The following KDM4B variants were observed in gnomAD, a reference collection of about 807,000 sequenced individuals.
KDM4B encodes lysine-specific demethylase 4B.
A neutral mutation model predicts 125.2 loss-of-function variants in KDM4B; 32 were observed. That is an observed-to-expected ratio of 0.26 (90% CI 0.19 to 0.34). The LOEUF (loss-of-function observed/expected upper bound fraction) is 0.34. Ranked by LOEUF, KDM4B falls within the 10% of genes least tolerant of loss-of-function variation. The pLI, the probability that KDM4B is intolerant of heterozygous loss-of-function variation, is 1.00. For synonymous variants in KDM4B, 721 were observed against 677.9 expected, an observed-to-expected ratio of 1.06 and a Z score of -0.99; for missense variants, 1,190 against 1,577.7, an observed-to-expected ratio of 0.75 and a Z score of 4.16.
intron 2 of KDM4B, among the ~76,000 whole-genome samples, chr19:5,018,065 G>T (rs1190444734): frequency 6.6e-6 from 1 of 151,570 alleles, no homozygotes; most frequent in Non-Finnish European, 1.5e-5. Context: ...TTGAGGCAGG[G>T]TCTCACTCTG....
At chr19:5,011,760 C>T (rs186622120) in intron 1 of KDM4B, among the ~76,000 whole-genome samples, 20 of 152,326 alleles carry the variant, frequency 1.3e-4, no homozygotes, top group African/African-American at 3.6e-4. Flanking sequence ...GGAACCCACC[C>T]GAGGGTCAGC....
intron 11 of KDM4B, among the ~76,000 whole-genome samples, chr19:5,129,491 C>T (rs2039507046): frequency 6.6e-6 from 1 of 152,308 alleles, no homozygotes; most frequent in South Asian, 2.1e-4. Context: ...TGCTCCAAAC[C>T]AGACCCCGTT....
intron 9 of KDM4B, among the ~76,000 whole-genome samples, chr19:5,093,698 T>G (rs1392918846): frequency 1.3e-5 from 2 of 152,138 alleles, no homozygotes; most frequent in Non-Finnish European, 2.9e-5. Flanking sequence ...AGACAGATGG[T>G]CGAGATGGCT....
rs376281225 is a variant in KDM4B, at chr19:5,141,754, C to T, written c.2551-2213C>T. Among the ~76,000 whole-genome samples, 23 of 152,298 alleles carry T rather than the reference C, an allele frequency of 1.5e-4. No homozygotes were observed. The highest frequency in any genetic ancestry group is 5.5e-4 in the African/African-American group (23 of 41,574). On this transcript the variant is annotated intron_variant, in intron 18 of 22. Coordinates refer to ENST00000159111, the MANE Select transcript of KDM4B (RefSeq NM_015015.3). This position sits in a 1 kb window ranked among gnomAD's most constrained non-coding sequence, Gnocchi z 6.4. ...CAAGTTATCACCACGTTCTCAAGGC[C>T]GTGCTGCTGAGAAGCTTCTCACCTA...
At chr19:5,123,397 C>G (rs2146030430) in intron 11 of KDM4B, among the ~76,000 whole-genome samples, 1 of 152,324 alleles carries the variant, frequency 6.6e-6, no homozygotes, top group African/African-American at 2.4e-5. Context: ...CCTTTGTGTT[C>G]CCGTGTTCTC....
chr19:5,100,378 T>A (rs896425276), intron 9 of KDM4B, among the ~76,000 whole-genome samples: 1 of 152,212 alleles, frequency 6.6e-6, no homozygotes, highest in Non-Finnish European at 1.5e-5. Flanking sequence ...CTTCCCCACC[T>A]CCGTTTTCTA....
At chr19:5,069,157 C>T (rs902489687) in intron 6 of KDM4B, among the ~76,000 whole-genome samples, 2 of 152,146 alleles carry the variant, frequency 1.3e-5, no homozygotes, top group Admixed American at 6.5e-5. Context: ...TCTCTGAGGA[C>T]GACAGAGTTG....
intron 18 of KDM4B, among the ~76,000 whole-genome samples, chr19:5,139,674 GC>G (rs1157049109): frequency 1.3e-5 from 2 of 152,210 alleles, no homozygotes; most frequent in African/African-American, 4.8e-5. Flanking sequence ...GGTCAGTGAC[GC>G]TGGGCATCTT....
At position 5,137,633 on chromosome 19, in the gene KDM4B, T is replaced by A; in HGVS notation, c.2398T>A (p.Cys800Ser). The A allele has an allele frequency of 6.2e-7, 1 of 1,603,996 alleles. No individual in the cohort carries two copies. Among genetic ancestry groups the A allele is most frequent in the Non-Finnish European group, 8.5e-7 (1 of 1,178,486 alleles). Residue 800 changes from cysteine (C) to serine (S), a missense_variant, in exon 17 of 23, where the codon TGC (cysteine) becomes AGC (serine). Cys to Ser is a moderately radical substitution (Grantham distance 112). Around this residue, in one of 7 missense-constraint regions of KDM4B, gnomAD observed 298 missense variants for 439.7 expected, o/e 0.68. Coordinates refer to ENST00000159111, the MANE Select transcript of KDM4B (RefSeq NM_015015.3). The stretch of plus-strand genomic sequence containing the variant: ...CTGGTCTCCACAGGAGTGCTGCCTG[T>A]GCAACCTGCGAGGAGGTGCGCTGCA... ...AHAWTAECCL[C>S]NLRGGALQMT... is the part of the protein sequence containing the mutation.
At chr19:5,111,698 A>G in intron 10 of KDM4B, 2 of 749,640 alleles carry the variant, frequency 2.7e-6, no homozygotes, top group Non-Finnish European at 2.5e-6. Flanking sequence ...GCCGGGAGGG[A>G]CGGCACAGAG....
intron 1 of KDM4B, among the ~76,000 whole-genome samples, chr19:4,981,701 C>CAGT (rs1347990851): frequency 1.3e-5 from 2 of 152,160 alleles, no homozygotes; most frequent in African/African-American, 4.8e-5. Flanking sequence ...ACAGTCAGCC[C>CAGT]AGTGCCAAGC....
intron 1 of KDM4B, among the ~76,000 whole-genome samples, chr19:4,988,962 A>T (rs1489688833): frequency 6.6e-6 from 1 of 152,200 alleles, no homozygotes. Context: ...AGGGGCTGCC[A>T]AGCCCTTAGT....
At chr19:5,056,863 G>A (rs1286851446) in intron 6 of KDM4B, among the ~76,000 whole-genome samples, 1 of 149,964 alleles carries the variant, frequency 6.7e-6, no homozygotes, top group African/African-American at 2.4e-5. Context: ...CCTGGGGCGG[G>A]GAGTCCTGGG....
At chr19:5,100,610 G>A (rs2038911741) in intron 9 of KDM4B, among the ~76,000 whole-genome samples, 1 of 152,030 alleles carries the variant, frequency 6.6e-6, no homozygotes, top group Non-Finnish European at 1.5e-5. Flanking sequence ...GTAGAGATGG[G>A]GTCTCGCCAT....
intron 6 of KDM4B, among the ~76,000 whole-genome samples, chr19:5,069,285 C>T (rs1348271096): frequency 6.6e-6 from 1 of 151,980 alleles, no homozygotes; most frequent in East Asian, 1.9e-4. Context: ...CCTGCCCCCT[C>T]CTTATTTATT....
intron 6 of KDM4B, among the ~76,000 whole-genome samples, chr19:5,060,764 G>A (rs1027716117): frequency 1.3e-5 from 2 of 152,170 alleles, no homozygotes; most frequent in South Asian, 2.1e-4. Flanking sequence ...CCTGACAGCC[G>A]CCGCTGTGTC....
chr19:5,024,909 C>G (rs1178627296), intron 2 of KDM4B, among the ~76,000 whole-genome samples: 1 of 152,234 alleles, frequency 6.6e-6, no homozygotes, highest in African/African-American at 2.4e-5. Flanking sequence ...GATCGCGCCA[C>G]TGCACTTCAG....
chr19:5,144,830 G>A lies in KDM4B; in HGVS notation c.2949G>A (p.Val983=), dbSNP rs1231035784. 6.2e-7 allele frequency: 1 copy of A among 1,613,086 alleles called. No individual in the cohort carries two copies. Among genetic ancestry groups the A allele is most frequent in the African/African-American group, 1.3e-5 (1 of 74,924 alleles). The change falls in exon 21 of 23, where the codon GTG becomes GTA. Residue 983 remains valine (V), a synonymous_variant. Transcript: ENST00000159111. ...GACCCCCTTCCGAGGGGGAGCTGGT[G>A]GAGCTCCGGTGGACTGACGGCAACC... ...QLGPPSEGEL[V]ELRWTDGNLY...
intron 2 of KDM4B, among the ~76,000 whole-genome samples, chr19:5,022,386 C>CTGAG (rs757099274): frequency 3.0e-4 from 46 of 152,320 alleles, no homozygotes; most frequent in Non-Finnish European, 5.9e-4. Context: ...GGCCACCGTG[C>CTGAG]TGAGGTGTGG....
Sources: allele counts gnomAD v4.1 joint callset (sites outside exome capture counted in the v4.1 genomes callset), GRCh38; gene constraint gnomAD v4.1.1; regional missense constraint gnomAD v4.1.1; non-coding constraint Gnocchi (gnomAD v3.1); transcripts MANE v1.5; gene names NCBI Gene and HGNC (gene_info 2026-07-23, HGNC 2026-07-21).